The following CELF2 variants were observed in gnomAD, a reference collection of about 807,000 sequenced individuals.
The protein encoded by CELF2 is CUG triplet repeat RNA-binding protein 2.
Under a neutral mutation model 62.6 loss-of-function variants are expected in CELF2, and 8 were observed. The ratio of observed to expected loss-of-function variants is 0.13; its 90% CI spans 0.07 to 0.23. CELF2 has a LOEUF of 0.23. CELF2 is among the 10% of genes least tolerant of loss of function. The pLI, the probability that CELF2 is intolerant of heterozygous loss-of-function variation, is 1.00. For missense variants in CELF2, 333 were observed against 671.0 expected (o/e 0.50, Z 5.56); for synonymous variants, 258 against 250.0 (o/e 1.03, Z -0.30).
intron 5 of CELF2, among the ~76,000 whole-genome samples, chr10:11,261,298 T>C (rs1361267320): frequency 2.1e-4 from 32 of 152,070 alleles, no homozygotes; most frequent in Admixed American, 2.1e-3. Context: ...CTAAGAGGGG[T>C]TACACTGAGG....
At chr10:10,559,802 C>A in the CELF2 span, among the ~76,000 whole-genome samples, 1 of 152,194 alleles carries the variant, frequency 6.6e-6, no homozygotes, top group Non-Finnish European at 1.5e-5. Flanking sequence ...GACTGCTGTG[C>A]ACCGCCTGCT....
Position 11,288,491 on chromosome 10 carries a change from C to G in CELF2, c.915C>G (p.Thr305=). 6.2e-7 allele frequency: 1 copy of G among 1,614,018 alleles called. No homozygotes were observed. Among genetic ancestry groups the G allele is most frequent in the Non-Finnish European group, 8.5e-7 (1 of 1,180,032 alleles). ...AAAAAAQTSA[T]STNANPLSTT... is the part of the protein sequence containing the mutation. ...CAGCTGCGGCCCAGACCTCAGCCAC[C>G]AGCACCAATGCAAACCCTCTCTCTA... Residue 305 remains threonine, a synonymous_variant, in exon 9 of 13, where the codon ACC becomes ACG. Coordinates refer to ENST00000633077, the MANE Select transcript of CELF2 (RefSeq NM_001326342.2).
chr10:10,977,499 G>A (rs945983727), intron 2 of CELF2, among the ~76,000 whole-genome samples: 1 of 152,130 alleles, frequency 6.6e-6, no homozygotes, highest in African/African-American at 2.4e-5. Flanking sequence ...TGTCAGTTGG[G>A]AATAAAATGT....
chr10:10,552,347 G>A, the CELF2 span, among the ~76,000 whole-genome samples: 81 of 152,340 alleles, frequency 5.3e-4, no homozygotes, highest in African/African-American at 1.8e-3. Flanking sequence ...GCAGCGTGTG[G>A]AGGTGAAAGA....
chr10:10,871,228 G>T (rs1024639737), intron 1 of CELF2, among the ~76,000 whole-genome samples: 3 of 152,064 alleles, frequency 2.0e-5, no homozygotes, highest in Admixed American at 1.3e-4. Flanking sequence ...TTTTAGCTTT[G>T]TTCTGTTTCC....
intron 2 of CELF2, among the ~76,000 whole-genome samples, chr10:11,195,587 G>A (rs898113936): frequency 2.0e-5 from 3 of 152,220 alleles, no homozygotes; most frequent in African/African-American, 7.2e-5. Context: ...GTTTTGACTG[G>A]CGTCTGATTG....
rs1420260899 is a variant in CELF2 at position 11,242,381 on chromosome 10, C to T, written c.355-6772C>T. ...CCGCAGCTGCTTCCTTCCCCCAGGA[C>T]TCTGTCTCCAGACTAGGCCTGTGTT... On this transcript the variant is annotated intron_variant, in intron 3 of 12. Transcript: ENST00000633077. This position sits in a 1 kb window ranked among gnomAD's most constrained non-coding sequence, Gnocchi z 4.8. Among the ~76,000 whole-genome samples, 2 of 152,156 alleles carry T rather than the reference C, an allele frequency of 1.3e-5. No homozygotes were observed. The highest frequency in any genetic ancestry group is 2.1e-4 in the South Asian group (1 of 4,822).
chr10:11,303,090 T>TTC lies in CELF2; in HGVS notation c.977-11047_977-11046dup, dbSNP rs576743313. Among the ~76,000 whole-genome samples, 573 of 152,294 alleles carry TTC rather than the reference T, an allele frequency of 3.8e-3. 3 individuals carry two copies. Among genetic ancestry groups the TTC allele is most frequent in the African/African-American group, 0.013 (547 of 41,556 alleles). Reference sequence around the variant, plus strand: ...GCCTCAGAGGTGGCCCAGCGGAAACTTCTTCCCTAGCCGGCTCTCCTCTGT... The same window carrying TTC: ...GCCTCAGAGGTGGCCCAGCGGAAACTTCTCTTCCCTAGCCGGCTCTCCTCTGT... On this transcript the variant is annotated intron_variant, in intron 9 of 12. Coordinates refer to ENST00000633077, the MANE Select transcript of CELF2 (RefSeq NM_001326342.2).
At chr10:10,968,166 G>A (rs1388371249) in intron 2 of CELF2, among the ~76,000 whole-genome samples, 1 of 152,194 alleles carries the variant, frequency 6.6e-6, no homozygotes, top group Non-Finnish European at 1.5e-5. Flanking sequence ...GATAAGGGAG[G>A]GCTGGGAAAG....
the CELF2 span, among the ~76,000 whole-genome samples, chr10:10,666,452 A>G: frequency 1.3e-5 from 2 of 152,216 alleles, no homozygotes; most frequent in African/African-American, 2.4e-5. Flanking sequence ...TAGTTGAAGA[A>G]TCAAAGATGA....
intron 1 of CELF2, among the ~76,000 whole-genome samples, chr10:10,855,886 A>G (rs931020768): frequency 3.3e-5 from 5 of 152,166 alleles, no homozygotes; most frequent in African/African-American, 9.7e-5. Context: ...TTCGCTATCT[A>G]CTATGTGTGA....
intron 2 of CELF2, among the ~76,000 whole-genome samples, chr10:11,183,974 C>T (rs901467921): frequency 1.3e-5 from 2 of 152,134 alleles, no homozygotes; most frequent in Non-Finnish European, 2.9e-5. Context: ...GGTTTTATAT[C>T]AAAGAAAACC....
intron 4 of CELF2, among the ~76,000 whole-genome samples, chr10:11,256,560 A>G (rs1334937419): frequency 1.3e-5 from 2 of 150,540 alleles, no homozygotes; most frequent in African/African-American, 4.9e-5. Context: ...GTCTGGCTGC[A>G]GCTGGCTAGC....
chr10:10,584,714 C>T, the CELF2 span, among the ~76,000 whole-genome samples: 1 of 152,158 alleles, frequency 6.6e-6, no homozygotes, highest in African/African-American at 2.4e-5. Flanking sequence ...GTCTTTAACG[C>T]TATGTTATCT....
At chr10:11,327,679 C>G (rs2095825184) in intron 12 of CELF2, among the ~76,000 whole-genome samples, 2 of 152,146 alleles carry the variant, frequency 1.3e-5, no homozygotes, top group African/African-American at 2.4e-5. Flanking sequence ...AATCTTGGAT[C>G]CCAGATCACA....
At position 11,321,396 on chromosome 10, in the gene CELF2, G is replaced by A. The variant is rs370656496; in HGVS notation, c.1294+10G>A. 94 of 1,600,344 alleles carry A rather than the reference G, an allele frequency of 5.9e-5. No homozygotes were observed. The highest frequency in any genetic ancestry group is 7.4e-5 in the Non-Finnish European group (87 of 1,178,834). On this transcript the variant is annotated intron_variant, in intron 11 of 12. Transcript: ENST00000633077. The surrounding 1 kb of genome is among the most constrained non-coding windows in gnomAD (Gnocchi z 6.2). ...GGCAGCCAGAAGGAAGGTAGGTGCC[G>A]CCCTTGGCCCCAGGCAGGGCCCAGC...
At chr10:10,599,910 T>C in the CELF2 span, among the ~76,000 whole-genome samples, 1 of 151,938 alleles carries the variant, frequency 6.6e-6, no homozygotes, top group Non-Finnish European at 1.5e-5. Context: ...TTGTTATGTT[T>C]TTAGTAGAGA....
At chr10:11,201,630 G>A (rs1015887843) in intron 2 of CELF2, among the ~76,000 whole-genome samples, 1 of 152,230 alleles carries the variant, frequency 6.6e-6, no homozygotes, top group Non-Finnish European at 1.5e-5. Flanking sequence ...CCCTGAGGAA[G>A]GAGAGGATGG....
chr10:10,707,099 C>T, the CELF2 span, among the ~76,000 whole-genome samples: 1 of 152,196 alleles, frequency 6.6e-6, no homozygotes, highest in Non-Finnish European at 1.5e-5. Flanking sequence ...TTGGGGGTTA[C>T]TGGTTTTCCT....
Sources: allele counts gnomAD v4.1 joint callset (sites outside exome capture counted in the v4.1 genomes callset), GRCh38; gene constraint gnomAD v4.1.1; non-coding constraint Gnocchi (gnomAD v3.1); transcripts MANE v1.5; gene names NCBI Gene and HGNC (gene_info 2026-07-23, HGNC 2026-07-21).